Variants in SLC22A16 observed in about 807,000 individuals in gnomAD.
The protein encoded by SLC22A16 is WUGSC:RG331P03.1.
A neutral mutation model predicts 52.9 loss-of-function variants in SLC22A16; 53 were observed. The observed-to-expected ratio is 1.00, with a 90% CI of 0.80 to 1.26. The LOEUF (loss-of-function observed/expected upper bound fraction) is 1.26. Ranked by LOEUF, SLC22A16 falls within the 50% of genes most tolerant of loss-of-function variation. SLC22A16 has a pLI of 0.00. For missense variants in SLC22A16, 726 were observed against 704.0 expected (o/e 1.03, Z -0.35); for synonymous variants, 291 against 268.8 (o/e 1.08, Z -0.81).
chr6:110,475,516 C>T (rs931740094), intron 1 of SLC22A16, among the ~76,000 whole-genome samples: 2 of 152,210 alleles, frequency 1.3e-5, no homozygotes, highest in Non-Finnish European at 2.9e-5. Context: ...CCTAACAGCT[C>T]CTTTTTGCAG....
At chr6:110,459,859 A>G (rs1299057802) in intron 1 of SLC22A16, among the ~76,000 whole-genome samples, 2 of 152,188 alleles carry the variant, frequency 1.3e-5, no homozygotes, top group South Asian at 2.1e-4. Flanking sequence ...ACAGTGACAT[A>G]TTTTCTGAAG....
intron 1 of SLC22A16, 22 bp downstream of exon 1, chr6:110,476,500 C>CGGGGGGGGGGGGG: frequency 7.0e-7 from 1 of 1,433,064 alleles, no homozygotes; most frequent in Non-Finnish European, 9.2e-7. Context: ...CCGCGTGGCG[C>CGGGGGGGGGGGGG]CGCGGGGCCC....
rs79832572 is a variant in SLC22A16 at position 110,457,243 on chromosome 6, C to T, written c.54-226G>A. 9.1e-3 allele frequency among the ~76,000 whole-genome samples: 1,381 copies of T among 152,292 alleles called. 21 individuals carry two copies. The highest frequency in any genetic ancestry group is 0.031 in the African/African-American group (1,277 of 41,534). On this transcript the variant is annotated intron_variant, in intron 1 of 7. Coordinates refer to ENST00000368919, the MANE Select transcript of SLC22A16 (RefSeq NM_033125.4). The stretch of plus-strand genomic sequence containing the variant: ...GCAATGACATCCCAAGAGCAGCAAG[C>T]ACACCCATTGCCCAGATCTTAGTTT...
In SLC22A16 at chr6:110,459,624, C is replaced by A. The variant is rs892907763; in HGVS notation, c.54-2607G>T. 5.3e-5 allele frequency among the ~76,000 whole-genome samples: 8 copies of A among 152,172 alleles called. No homozygotes were observed. The East Asian group carries it at 1.5e-3, about 29-fold the overall frequency. On this transcript the variant is annotated intron_variant, in intron 1 of 7. Transcript: ENST00000368919. Reference sequence around the variant, plus strand: ...GACACTTGGAAAAACTGGTGAAATTCAAATGAAGTATATAGTTAGTTAATA... The same window carrying A: ...GACACTTGGAAAAACTGGTGAAATTAAAATGAAGTATATAGTTAGTTAATA...
chr6:110,456,483 CAGAT>C, intron 2 of SLC22A16, 51 bp downstream of exon 2: 1 of 1,563,322 alleles, frequency 6.4e-7, no homozygotes, highest in Non-Finnish European at 8.7e-7. Flanking sequence ...CCAAGAAAAC[CAGAT>C]AGGAAAATAA....
chr6:110,469,631 A>G, intron 1 of SLC22A16, among the ~76,000 whole-genome samples: 1 of 152,354 alleles, frequency 6.6e-6, no homozygotes, highest in East Asian at 1.9e-4. Flanking sequence ...TCATCCCAAC[A>G]TACATCAGAG....
rs1159235562 is a variant in SLC22A16 at position 110,476,586 on chromosome 6, G to T, written c.-12C>A. On this transcript the variant is annotated 5_prime_UTR_variant, in exon 1 of 8. Transcript: ENST00000368919. ...TGGCGGGACCCCATGGTGCGGCCGT[G>T]CACTGGGCGCCGAGTTAGCCGAGCT... The T allele has an allele frequency of 2.6e-6, 4 of 1,528,122 alleles. No homozygotes were observed. The highest frequency in any genetic ancestry group is 2.6e-5 in the East Asian group (1 of 37,968). The allele number at this position is 1,528,122 out of a possible 1,614,324, so 94.7% of individuals were successfully genotyped here. A position where few individuals can be genotyped will look rare whatever the true frequency, so the allele number is the denominator to read the frequency against.
At chr6:110,446,837 T>C in intron 3 of SLC22A16, 36 bp downstream of exon 3, 1 of 1,559,350 alleles carries the variant, frequency 6.4e-7, no homozygotes, top group Non-Finnish European at 8.7e-7. Flanking sequence ...TATGAAAAAC[T>C]GCAGCAGAAT....
At chr6:110,431,080 C>A in intron 7 of SLC22A16, 91 bp downstream of exon 7, 1 of 1,061,328 alleles carries the variant, frequency 9.4e-7, no homozygotes. Flanking sequence ...GATGTACTGG[C>A]TTTCAGTAAA....
chr6:110,453,621 G>A, intron 2 of SLC22A16: 1 of 456,158 alleles, frequency 2.2e-6, no homozygotes, highest in Non-Finnish European at 4.4e-6. Context: ...CACAGATAGT[G>A]GGTTGAATTA....
At chr6:110,471,855 G>A (rs1017741547) in intron 1 of SLC22A16, among the ~76,000 whole-genome samples, 3 of 152,108 alleles carry the variant, frequency 2.0e-5, no homozygotes, top group South Asian at 2.1e-4. Context: ...TATCTACAGC[G>A]CCCAGGGAGA....
At chr6:110,463,513 G>GAAAAAAAAA (rs1775959418) in intron 1 of SLC22A16, among the ~76,000 whole-genome samples, 1 of 992 alleles carries the variant, frequency 1.0e-3, no homozygotes, top group Non-Finnish European at 2.2e-3. Context: ...AGTAACAACA[G>GAAAAAAAAA]TAAAAAAAAA....
intron 7 of SLC22A16, chr6:110,425,439 T>G: frequency 7.7e-7 from 1 of 1,306,714 alleles, no homozygotes; most frequent in South Asian, 1.2e-5. Context: ...CAGAATCTTG[T>G]GGAGAAGACA....
Position 110,424,913 on chromosome 6 carries a change from G to GT in SLC22A16, c.1693dup (p.Thr565AsnfsTer13), listed in dbSNP as rs770381519. The GT allele has an allele frequency of 1.5e-5, 24 of 1,613,930 alleles. No individual in the cohort carries two copies. Among genetic ancestry groups the GT allele is most frequent in the Non-Finnish European group, 1.9e-5 (22 of 1,180,002 alleles). On this transcript the variant is annotated frameshift_variant, in exon 8 of 8. Transcript: ENST00000368919. LOFTEE classifies it low-confidence loss of function (END_TRUNC). The stretch of plus-strand genomic sequence containing the variant: ...AGAATCCCTGGGGGTAATCGCTTCC[G>GT]TTTTTTCCAGCCCACTATTATTAGT...
At position 110,425,200 on chromosome 6, in the gene SLC22A16, G is replaced by C. The variant is rs1774208378; in HGVS notation, c.1522-115C>G. 5.9e-6 allele frequency: 9 copies of C among 1,527,174 alleles called. No homozygotes were observed. In the Admixed American group the frequency reaches 1.9e-4, roughly 32 times the overall value. 94.6% of individuals were successfully genotyped at this position (1,527,174 alleles called of 1,614,324 possible). ...TAATGGATTTGAATTTGACATAACA[G>C]TTGTCACTGTGATTACTCGGTGAGA... is the stretch of plus-strand genomic sequence containing the variant. On this transcript the variant is annotated intron_variant, in intron 7 of 7. Coordinates refer to ENST00000368919, the MANE Select transcript of SLC22A16 (RefSeq NM_033125.4).
At chr6:110,430,363 A>G (rs1774446928) in intron 7 of SLC22A16, among the ~76,000 whole-genome samples, 1 of 151,826 alleles carries the variant, frequency 6.6e-6, no homozygotes. Context: ...ATGAGGCTGG[A>G]GGAAATCCTC....
intron 7 of SLC22A16, among the ~76,000 whole-genome samples, chr6:110,429,390 G>A (rs9481068): frequency 0.055 from 8,430 of 152,246 alleles, 468 homozygotes; most frequent in African/African-American, 0.14. Context: ...CCGAAGAGCC[G>A]TATGTGTACC....
intron 1 of SLC22A16, among the ~76,000 whole-genome samples, chr6:110,467,999 A>C (rs995347978): frequency 1.3e-5 from 2 of 152,200 alleles, no homozygotes; most frequent in African/African-American, 4.8e-5. Flanking sequence ...CTTCTCATAG[A>C]ACCTCATGTA....
At chr6:110,444,608 C>A (rs952554110) in intron 3 of SLC22A16, among the ~76,000 whole-genome samples, 2 of 152,184 alleles carry the variant, frequency 1.3e-5, no homozygotes, top group Non-Finnish European at 2.9e-5. Flanking sequence ...ACTGCAATTT[C>A]TCCTTGCATT....
Sources: allele counts gnomAD v4.1 joint callset (sites outside exome capture counted in the v4.1 genomes callset), GRCh38; gene constraint gnomAD v4.1.1; transcripts MANE v1.5; gene names NCBI Gene and HGNC (gene_info 2026-07-23, HGNC 2026-07-21).